Variants in ZNF729 observed in about 807,000 individuals in gnomAD.
ZNF729 encodes the protein zinc finger protein 729.
In ZNF729, 15 loss-of-function variants were observed where a neutral mutation model predicts 12.2. The ratio of observed to expected loss-of-function variants is 1.23; its 90% confidence interval spans 0.82 to 1.89. ZNF729 has a LOEUF of 1.89. Among genes scored for constraint, ZNF729 ranks in the 40% most tolerant of loss-of-function variants. The pLI is 0.00. For synonymous variants in ZNF729, 492 were observed against 476.3 expected (o/e 1.03, Z -0.43); for missense variants, 1,540 against 1,456.7 (o/e 1.06, Z -0.93).
intron 3 of ZNF729, among the ~76,000 whole-genome samples, chr19:22,313,293 C>G (rs1968473644): frequency 6.6e-6 from 1 of 152,070 alleles, no homozygotes; most frequent in Non-Finnish European, 1.5e-5. Flanking sequence ...CTCAGGTAAT[C>G]CACTTGCCTT....
At chr19:22,291,004 G>A (rs189022560) in intron 1 of ZNF729, among the ~76,000 whole-genome samples, 138 of 152,226 alleles carry the variant, frequency 9.1e-4, no homozygotes, top group African/African-American at 3.0e-3. Flanking sequence ...AGAAACAGAT[G>A]GGTCTATGGG....
Position 22,286,498 on chromosome 19 carries a change from C to T in ZNF729, c.-28C>T, listed in dbSNP as rs570256912. 113 of 1,612,912 alleles carry T rather than the reference C, an allele frequency of 7.0e-5. No homozygotes were observed. The highest frequency in any genetic ancestry group is 9.5e-5 in the Non-Finnish European group (112 of 1,179,928). ...TCCTCAGCCTCTGTGGCCCTGTAACCTGCGGCATTGGAAGATCCACAGCTA... is the reference window on the plus strand; with the variant it reads ...TCCTCAGCCTCTGTGGCCCTGTAACTTGCGGCATTGGAAGATCCACAGCTA... On this transcript the variant is annotated 5_prime_UTR_variant, in exon 1 of 4. Coordinates refer to ENST00000601693, the MANE Select transcript of ZNF729 (RefSeq NM_001242680.2).
intron 3 of ZNF729, among the ~76,000 whole-genome samples, chr19:22,307,691 C>T (rs1384329199): frequency 4.1e-5 from 6 of 146,516 alleles, no homozygotes; most frequent in African/African-American, 1.3e-4. Context: ...TGTGGTGAGC[C>T]GAGATCCCAC....
At chr19:22,297,769 C>T (rs914579627) in intron 1 of ZNF729, among the ~76,000 whole-genome samples, 8 of 151,582 alleles carry the variant, frequency 5.3e-5, no homozygotes, top group African/African-American at 1.9e-4. Context: ...TTTGGGAGGC[C>T]GAGGCGGGCG....
At chr19:22,293,601 T>G (rs1033721186) in intron 1 of ZNF729, among the ~76,000 whole-genome samples, 1 of 149,504 alleles carries the variant, frequency 6.7e-6, no homozygotes, top group African/African-American at 2.5e-5. Flanking sequence ...CAAGAGATTC[T>G]CCTGCCTCAG....
At chr19:22,293,295 C>G (rs1212044606) in intron 1 of ZNF729, among the ~76,000 whole-genome samples, 2 of 152,126 alleles carry the variant, frequency 1.3e-5, no homozygotes, top group Non-Finnish European at 2.9e-5. Context: ...AAGCGATTCT[C>G]CTGCCTCAGC....
At chr19:22,310,432 T>C (rs925756396) in intron 3 of ZNF729, among the ~76,000 whole-genome samples, 1 of 152,164 alleles carries the variant, frequency 6.6e-6, no homozygotes, top group Non-Finnish European at 1.5e-5. Flanking sequence ...TTTTGTTGAA[T>C]ACTTTTTCTG....
intron 3 of ZNF729, among the ~76,000 whole-genome samples, chr19:22,307,316 AT>A (rs35650592): frequency 0.19 from 17,899 of 95,052 alleles, 1,621 homozygotes; most frequent in African/African-American, 0.28. Flanking sequence ...ACAATGTAGC[AT>A]TTTTTTTTTT....
In ZNF729 at chr19:22,316,362, A is replaced by G. The variant is rs1314943318; in HGVS notation, c.2945A>G (p.His982Arg). Residue 982 changes from histidine to arginine, a missense_variant, in exon 4 of 4, where the codon CAT (histidine) becomes CGT (arginine). His to Arg is a conservative substitution (Grantham distance 29). Transcript: ENST00000601693. The stretch of plus-strand genomic sequence containing the variant: ...AAGCAATCCTCACATCTTACTAGAC[A>G]TAAAGCAATTCATACTGGGGAGAAA... ...AFKQSSHLTR[H>R]KAIHTGEKPY... 2 of 1,613,772 alleles carry G rather than the reference A, an allele frequency of 1.2e-6. No homozygotes were observed. The highest frequency in any genetic ancestry group is 1.7e-5 in the Admixed American group (1 of 59,988).
At chr19:22,301,268 A>G (rs1968300469) in intron 1 of ZNF729, among the ~76,000 whole-genome samples, 1 of 152,286 alleles carries the variant, frequency 6.6e-6, no homozygotes, top group Non-Finnish European at 1.5e-5. Flanking sequence ...TTGTAATCAC[A>G]CTGCTAATCA....
intron 1 of ZNF729, among the ~76,000 whole-genome samples, chr19:22,287,326 G>A (rs1219040051): frequency 1.3e-5 from 2 of 151,204 alleles, no homozygotes; most frequent in Non-Finnish European, 2.9e-5. Flanking sequence ...GAGTGCAATA[G>A]CGCGATCTCC....
In ZNF729 at chr19:22,316,808, C is replaced by G; in HGVS notation, c.3391C>G (p.Pro1131Ala). The G allele has an allele frequency of 6.2e-7, 1 of 1,613,236 alleles. No homozygotes were observed. The highest frequency in any genetic ancestry group is 8.5e-7 in the Non-Finnish European group (1 of 1,179,958). ...TAAGATAATTCATACTGGGGAGAAA[C>G]CCTACAAATGTGAAGAATGTGGCAA... Reference protein sequence around the residue: ...KHKIIHTGEKPYKCEECGKAF... With the variant: ...KHKIIHTGEKAYKCEECGKAF... Residue 1131 changes from proline to alanine, a missense_variant, in exon 4 of 4, where the codon CCC becomes GCC. Transcript: ENST00000601693.
intron 3 of ZNF729, among the ~76,000 whole-genome samples, chr19:22,308,322 T>G (rs1394225336): frequency 1.3e-5 from 2 of 152,200 alleles, no homozygotes; most frequent in Non-Finnish European, 2.9e-5. Flanking sequence ...TGAATCATGC[T>G]GCTATAAACA....
chr19:22,297,352 T>G (rs1034141714), intron 1 of ZNF729, among the ~76,000 whole-genome samples: 7 of 151,726 alleles, frequency 4.6e-5, no homozygotes, highest in Admixed American at 2.0e-4. Flanking sequence ...ACTCCTTAGA[T>G]TTTGAGTGTC....
chr19:22,288,146 C>T (rs1968105360), intron 1 of ZNF729, among the ~76,000 whole-genome samples: 1 of 152,066 alleles, frequency 6.6e-6, no homozygotes, highest in African/African-American at 2.4e-5. Flanking sequence ...GCCCAGCCTA[C>T]TATTTGTCCT....
chr19:22,304,810 A>G (rs1198820849), intron 3 of ZNF729, 27 bp downstream of exon 3: 11 of 1,607,322 alleles, frequency 6.8e-6, no homozygotes, highest in Non-Finnish European at 9.3e-6. Context: ...ACAACAGACA[A>G]CACAGATAAG....
At chr19:22,287,671 A>AT (rs35755169) in intron 1 of ZNF729, among the ~76,000 whole-genome samples, 53,587 of 145,176 alleles carry the variant, frequency 0.37, 10,040 homozygotes, top group Non-Finnish European at 0.44. Context: ...CGGAGGACTG[A>AT]TTTTTTTTTT....
intron 1 of ZNF729, among the ~76,000 whole-genome samples, chr19:22,294,035 C>CT (rs57396131): frequency 0.022 from 3,343 of 152,140 alleles, 108 homozygotes; most frequent in African/African-American, 0.076. Flanking sequence ...ATCATAAAAT[C>CT]TTTGTTAGTT....
At chr19:22,297,356 G>C (rs113183858) in intron 1 of ZNF729, among the ~76,000 whole-genome samples, 3,790 of 150,560 alleles carry the variant, frequency 0.025, 156 homozygotes, top group African/African-American at 0.088. Flanking sequence ...CTTAGATTTT[G>C]AGTGTCTGCT....
Sources: allele counts gnomAD v4.1 joint callset (sites outside exome capture counted in the v4.1 genomes callset), GRCh38; gene constraint gnomAD v4.1.1; transcripts MANE v1.5; gene names NCBI Gene and HGNC (gene_info 2026-07-23, HGNC 2026-07-21).